PP2D1: variants seen among roughly 807,000 people sequenced by gnomAD.
The protein encoded by PP2D1 is protein phosphatase 2C like domain containing 1.
In PP2D1, 25 loss-of-function variants were observed where a neutral mutation model predicts 30.2. That is an observed-to-expected ratio of 0.83 (90% CI 0.60 to 1.16). The LOEUF (loss-of-function observed/expected upper bound fraction) is 1.16, where lower values mean the gene tolerates loss of function less well. PP2D1 is among the 50% of genes most tolerant of loss of function. The pLI, the probability that PP2D1 is intolerant of heterozygous loss-of-function variation, is 0.00. For missense variants in PP2D1, 760 were observed against 742.4 expected (o/e 1.02, Z -0.28); for synonymous variants, 260 against 258.9 (o/e 1.00, Z -0.04).
intron 2 of PP2D1, among the ~76,000 whole-genome samples, chr3:20,000,598 C>T (rs1210825649): frequency 6.6e-6 from 1 of 152,186 alleles, no homozygotes; most frequent in Non-Finnish European, 1.5e-5. Flanking sequence ...ATGAGAATGA[C>T]CTATTGCAAA....
chr3:19,985,360 A>G lies in PP2D1; in HGVS notation c.*20T>C, dbSNP rs1697012299. On this transcript the variant is annotated 3_prime_UTR_variant, in exon 3 of 3. Coordinates refer to ENST00000389050, the MANE Select transcript of PP2D1 (RefSeq NM_001252657.2). ...ATCACTTTATATTTTGGTGCTCTGG[A>G]TAATTGGAACTTTATTTTTTTATGT... The G allele has an allele frequency of 6.7e-7, 1 of 1,485,812 alleles. No homozygotes were observed. The highest frequency in any genetic ancestry group is 9.0e-7 in the Non-Finnish European group (1 of 1,112,174). 92.0% of individuals were successfully genotyped at this position (1,485,812 alleles called of 1,614,324 possible).
chr3:19,985,126 T>TAA (rs375938750), downstream of PP2D1: 3 of 370,798 alleles, frequency 8.1e-6, no homozygotes, highest in African/African-American at 6.3e-5. Flanking sequence ...CACCAGTGTT[T>TAA]AGTTTTATAT....
At chr3:19,985,177 T>C (rs562691234), downstream of PP2D1, 86 of 506,702 alleles carry the variant, frequency 1.7e-4, no homozygotes, top group South Asian at 2.7e-3. Context: ...AAAAAGCAAG[T>C]ATCGGCTTTT....
At chr3:19,986,264 A>G in intron 2 of PP2D1, 82 bp from the exon 3 acceptor site, 9 of 1,062,614 alleles carry the variant, frequency 8.5e-6, no homozygotes, top group Non-Finnish European at 1.2e-5. Context: ...ACTTTAGTAA[A>G]TTCTGTGTTT....
chr3:19,983,709 T>C (rs778569681), downstream of PP2D1: 25 of 1,590,916 alleles, frequency 1.6e-5, no homozygotes, highest in Admixed American at 4.2e-4. Flanking sequence ...TTCTTTCAGC[T>C]AAAAAATTGC....
chr3:20,008,137 A>T (rs1559500703), intron 1 of PP2D1: 1 of 156,538 alleles, frequency 6.4e-6, no homozygotes, highest in Non-Finnish European at 1.4e-5. Flanking sequence ...GAACTCGACC[A>T]TTCGGTGGCG....
chr3:19,980,173 A>G (rs1346811324), exon 4 of PP2D1: 4 of 152,204 alleles, frequency 2.6e-5, no homozygotes, highest in Non-Finnish European at 5.9e-5. Context: ...CCAGAATCAC[A>G]TCTGAAAAGT....
chr3:20,007,310 T>C (rs1476063895), intron 1 of PP2D1, among the ~76,000 whole-genome samples: 1 of 152,198 alleles, frequency 6.6e-6, no homozygotes, highest in African/African-American at 2.4e-5. Flanking sequence ...TTTTAGGAGG[T>C]ATTTTGGGAA....
intron 2 of PP2D1, among the ~76,000 whole-genome samples, chr3:19,991,685 A>G (rs1251246543): frequency 3.3e-5 from 5 of 152,206 alleles, no homozygotes; most frequent in Non-Finnish European, 7.3e-5. Flanking sequence ...ACTAAGTAAC[A>G]GGTTTTCACC....
In PP2D1 at chr3:20,001,514, A is replaced by C; in HGVS notation, c.606T>G (p.Cys202Trp). Residue 202 changes from cysteine (C) to tryptophan (W), a missense_variant, in exon 2 of 3, where the codon TGT (cysteine) becomes TGG (tryptophan). By Grantham distance (215) the Cys-to-Trp change is radical (BLOSUM62 -2). Coordinates refer to ENST00000389050, the MANE Select transcript of PP2D1 (RefSeq NM_001252657.2). ...GATGTCCATCAAACAAACCAAAAAAACACACATTAGGTTTGTTACCAAAAT... is the reference window on the plus strand; with the variant it reads ...GATGTCCATCAAACAAACCAAAAAACCACACATTAGGTTTGTTACCAAAAT... ...VSNFGNKPNV[C>W]FFGLFDGHHG... is the part of the protein sequence containing the mutation. The C allele has an allele frequency of 6.5e-7, 1 of 1,536,010 alleles. No homozygotes were observed. The highest frequency in any genetic ancestry group is 8.7e-7 in the Non-Finnish European group (1 of 1,146,750).
chr3:20,009,364 G>A lies in PP2D1; in HGVS notation c.23+2686C>T, dbSNP rs148540162. On this transcript the variant is annotated intron_variant, in intron 1 of 2. Coordinates refer to ENST00000389050, the MANE Select transcript of PP2D1 (RefSeq NM_001252657.2). ...GTAGTCCCAGCTACTTGGAGAATGA[G>A]CGGGGAGAATTGCTTGAGCCCAGGA... Among the ~76,000 whole-genome samples the A allele has an allele frequency of 8.6e-3, 1,315 of 152,116 alleles. 12 individuals are homozygous for A. The highest frequency in any genetic ancestry group is 0.025 in the South Asian group (120 of 4,796).
intron 2 of PP2D1, among the ~76,000 whole-genome samples, chr3:19,992,871 AT>A (rs1371242049): frequency 1.3e-5 from 2 of 152,182 alleles, no homozygotes; most frequent in Non-Finnish European, 2.9e-5. Flanking sequence ...GTGGCCACCA[AT>A]TTAAAAATTG....
chr3:19,980,121 T>G (rs551310658), exon 4 of PP2D1: 1 of 152,320 alleles, frequency 6.6e-6, no homozygotes, highest in Non-Finnish European at 1.5e-5. Flanking sequence ...TGCGAAGGAT[T>G]GTGTGATAAT....
chr3:19,988,592 A>G (rs1269752411), intron 2 of PP2D1, among the ~76,000 whole-genome samples: 4 of 152,148 alleles, frequency 2.6e-5, no homozygotes, highest in Non-Finnish European at 5.9e-5. Flanking sequence ...CTTGTGAAGC[A>G]TGTGATCTCT....
intron 2 of PP2D1, among the ~76,000 whole-genome samples, chr3:19,992,729 T>TA (rs750916309): frequency 1.3e-5 from 2 of 152,338 alleles, no homozygotes; most frequent in Admixed American, 6.5e-5. Flanking sequence ...ACTGGTTATA[T>TA]AACCTTGTAT....
intron 2 of PP2D1, among the ~76,000 whole-genome samples, chr3:19,987,085 T>A (rs1697049077): frequency 6.6e-6 from 1 of 151,484 alleles, no homozygotes; most frequent in African/African-American, 2.4e-5. Context: ...GTTGTTAATG[T>A]ATTACATGAA....
chr3:20,011,574 CTATCACT>C (rs1697386909), intron 1 of PP2D1, among the ~76,000 whole-genome samples: 1 of 151,710 alleles, frequency 6.6e-6, no homozygotes, highest in African/African-American at 2.4e-5. Context: ...TGAGGCGGGC[CTATCACT>C]TGAGGTCAGG....
chr3:19,992,524 A>C (rs1267726835), intron 2 of PP2D1, among the ~76,000 whole-genome samples: 2 of 152,238 alleles, frequency 1.3e-5, no homozygotes, highest in East Asian at 1.9e-4. Flanking sequence ...CCAAATGAAC[A>C]CATTTTCACA....
chr3:20,010,600 G>C (rs1005562487), intron 1 of PP2D1, among the ~76,000 whole-genome samples: 1 of 151,750 alleles, frequency 6.6e-6, no homozygotes, highest in African/African-American at 2.4e-5. Context: ...TCGGGAGTTC[G>C]AGACTAGCCT....
Sources: gnomAD v4.1 joint callset for allele counts (sites outside exome capture counted in the v4.1 genomes callset) on GRCh38, gnomAD v4.1.1 for gene constraint, MANE v1.5 for transcripts, NCBI Gene and HGNC (gene_info 2026-07-23, HGNC 2026-07-21) for gene names.